The following ST6GALNAC2 variants were observed in gnomAD, a reference collection of about 807,000 sequenced individuals.
The protein encoded by ST6GALNAC2 is alpha-N-acetylgalactosaminide alpha-2,6-sialyltransferase 2.
In ST6GALNAC2, 42 loss-of-function variants were observed where a neutral mutation model predicts 38.7. The ratio of observed to expected loss-of-function variants is 1.09; its 90% CI spans 0.85 to 1.40. The LOEUF (loss-of-function observed/expected upper bound fraction) is 1.40. Among genes scored for constraint, ST6GALNAC2 ranks in the 40% most tolerant of loss-of-function variants. The pLI is 0.00. For missense variants in ST6GALNAC2, 506 were observed against 481.7 expected (o/e 1.05, Z -0.47); for synonymous variants, 233 against 209.0 (o/e 1.11, Z -0.99).
chr17:76,573,464 G>T lies in ST6GALNAC2; in HGVS notation c.362-101C>A. 8.5e-7 allele frequency: 1 copy of T among 1,183,220 alleles called. No individual in the cohort carries two copies. 73.3% of individuals were successfully genotyped at this position (1,183,220 alleles called of 1,614,324 possible). ...TGGTGCCCCATCTCCCCTGAGGCCT[G>T]ACCCTAGCCCCTCCCAAGAAGCACA... On this transcript the variant is annotated intron_variant, in intron 3 of 8. Transcript: ENST00000225276. This position sits in a 1 kb window ranked among gnomAD's most constrained non-coding sequence, Gnocchi z 5.1.
chr17:76,568,604 G>T, intron 7 of ST6GALNAC2, 109 bp downstream of exon 7: 1 of 1,026,544 alleles, frequency 9.7e-7, no homozygotes, highest in Non-Finnish European at 1.5e-6. Flanking sequence ...GTGGAGCTCT[G>T]GTTATCGGTC....
intron 4 of ST6GALNAC2, 47 bp from the exon 5 acceptor site, chr17:76,572,822 TCTG>T (rs1406496135): frequency 6.2e-7 from 1 of 1,610,900 alleles, no homozygotes; most frequent in Non-Finnish European, 8.5e-7. Flanking sequence ...CACCAGGCCG[TCTG>T]TTCTGCTTCC....
chr17:76,578,902 T>A, intron 1 of ST6GALNAC2, 86 bp from the exon 2 acceptor site: 2 of 1,185,844 alleles, frequency 1.7e-6, no homozygotes, highest in Non-Finnish European at 2.4e-6. Context: ...CCCTTAGCTC[T>A]AGGGGCGGAC....
At chr17:76,583,694 G>C (rs2075508065) in intron 1 of ST6GALNAC2, among the ~76,000 whole-genome samples, 1 of 151,804 alleles carries the variant, frequency 6.6e-6, no homozygotes, top group Non-Finnish European at 1.5e-5. Context: ...GGTGTTGGTG[G>C]GGCAGGACGT....
intron 2 of ST6GALNAC2, among the ~76,000 whole-genome samples, chr17:76,575,630 C>T (rs995442936): frequency 2.0e-5 from 3 of 152,178 alleles, no homozygotes; most frequent in Admixed American, 2.0e-4. Flanking sequence ...GATTCAATTT[C>T]TGTGGATCGA....
chr17:76,581,707 A>G (rs2075477788), intron 1 of ST6GALNAC2, among the ~76,000 whole-genome samples: 1 of 152,120 alleles, frequency 6.6e-6, no homozygotes, highest in African/African-American at 2.4e-5. Flanking sequence ...CCTCTCAGGA[A>G]TCCAAGTGCC....
intron 2 of ST6GALNAC2, among the ~76,000 whole-genome samples, chr17:76,577,069 T>C (rs72873907): frequency 0.23 from 13,101 of 56,792 alleles, 637 homozygotes; most frequent in South Asian, 0.33. Context: ...TTTTCTTTTT[T>C]TTTTTTTTTT....
In ST6GALNAC2 at chr17:76,574,416, G is replaced by A. The variant is rs149022507; in HGVS notation, c.310C>T (p.Arg104Cys). The change falls in exon 3 of 9, where the codon CGC becomes TGC. Residue 104 changes from arginine to cysteine, a missense_variant. Arg to Cys is a radical substitution (Grantham distance 180). Coordinates refer to ENST00000225276, the MANE Select transcript of ST6GALNAC2 (RefSeq NM_006456.3). ...TACGGGGCTTTGTGTTGGCTCAGGC[G>A]GTCCCAGAGCGCTGGGGTGAAGAGG... is the stretch of plus-strand genomic sequence containing the variant. ...GDLFTPALWD[R>C]LSQHKAPYGW... The A allele has an allele frequency of 2.0e-4, 322 of 1,613,862 alleles. No homozygotes were observed. The highest frequency in any genetic ancestry group is 2.6e-4 in the Non-Finnish European group (305 of 1,179,946).
chr17:76,572,877 G>A (rs767607445), intron 4 of ST6GALNAC2, 102 bp from the exon 5 acceptor site: 13 of 1,411,494 alleles, frequency 9.2e-6, no homozygotes, highest in Non-Finnish European at 1.2e-5. Flanking sequence ...GCCTCTGTAT[G>A]ACCACTCCTT....
In ST6GALNAC2 at chr17:76,568,769, G is replaced by A; in HGVS notation, c.801C>T (p.Ala267=). 6.2e-7 allele frequency: 1 copy of A among 1,613,562 alleles called. No homozygotes were observed. The highest frequency in any genetic ancestry group is 8.5e-7 in the Non-Finnish European group (1 of 1,179,988). The part of the protein sequence containing the change: ...DRPHAYFGPE[A]SASKFKLLHP... ...GTAGCAGCTTGAATTTACTGGCAGA[G>A]GCTTCTGGTCCAAAATAGGCGTGCG... is the stretch of plus-strand genomic sequence containing the variant. The change falls in exon 7 of 9, where the codon GCC becomes GCT. Residue 267 remains alanine (A), a synonymous_variant. Coordinates refer to ENST00000225276, the MANE Select transcript of ST6GALNAC2 (RefSeq NM_006456.3).
At chr17:76,583,812 C>CTTTT (rs71158029) in intron 1 of ST6GALNAC2, among the ~76,000 whole-genome samples, 1 of 136,146 alleles carries the variant, frequency 7.3e-6, no homozygotes, top group Admixed American at 7.6e-5. Flanking sequence ...TGTGATATTT[C>CTTTT]TTTTTTTTTT....
chr17:76,569,611 G>A (rs1039966097), intron 6 of ST6GALNAC2: 2 of 398,370 alleles, frequency 5.0e-6, no homozygotes. Context: ...GGGAGACTGG[G>A]TAGGGGATGG....
At chr17:76,574,305 C>T in intron 3 of ST6GALNAC2, 60 bp downstream of exon 3, 1 of 1,568,972 alleles carries the variant, frequency 6.4e-7, no homozygotes, top group Non-Finnish European at 8.7e-7. Flanking sequence ...TGGCCTACTT[C>T]AGGGCAAAGA....
At position 76,573,744 on chromosome 17, in the gene ST6GALNAC2, A is replaced by G. The variant is rs2075381245; in HGVS notation, c.362-381T>C. On this transcript the variant is annotated intron_variant, in intron 3 of 8. Coordinates refer to ENST00000225276, the MANE Select transcript of ST6GALNAC2 (RefSeq NM_006456.3). The surrounding 1 kb of genome is among the most constrained non-coding windows in gnomAD (Gnocchi z 5.1). ...GGAGTTCGAGACCAGCCTGGGCAAC[A>G]TGGTGAAACCATGTCTCTATTAAAA... is the stretch of plus-strand genomic sequence containing the variant. Among the ~76,000 whole-genome samples, 1 of 152,168 alleles carries G rather than the reference A, an allele frequency of 6.6e-6. No homozygotes were observed. The highest frequency in any genetic ancestry group is 1.5e-5 in the Non-Finnish European group (1 of 68,022).
chr17:76,569,590 C>T (rs1286406325), intron 6 of ST6GALNAC2: 9 of 392,760 alleles, frequency 2.3e-5, no homozygotes, highest in East Asian at 7.2e-5. Flanking sequence ...GTTGTTGGAA[C>T]GGGACTGGGA....
chr17:76,568,912 G>A (rs1351119044), intron 6 of ST6GALNAC2, 116 bp from the exon 7 acceptor site: 1 of 932,908 alleles, frequency 1.1e-6, no homozygotes, highest in Admixed American at 2.0e-5. Context: ...GTAGGAGCGG[G>A]GCTGGGAGTA....
intron 1 of ST6GALNAC2, among the ~76,000 whole-genome samples, chr17:76,579,594 G>A (rs2075453391): frequency 2.0e-5 from 3 of 152,236 alleles, no homozygotes; most frequent in Admixed American, 2.0e-4. Flanking sequence ...GTTGGAAACT[G>A]AATCCCCAAT....
At chr17:76,579,960 T>A (rs2075457649) in intron 1 of ST6GALNAC2, among the ~76,000 whole-genome samples, 1 of 152,236 alleles carries the variant, frequency 6.6e-6, no homozygotes, top group Non-Finnish European at 1.5e-5. Flanking sequence ...CCTCACTTCC[T>A]GGGTTTGCAA....
intron 8 of ST6GALNAC2, 85 bp from the exon 9 acceptor site, chr17:76,566,356 G>A: frequency 6.9e-7 from 1 of 1,441,222 alleles, no homozygotes; most frequent in South Asian, 1.2e-5. Context: ...AGTTTAGAAA[G>A]GTGTCCGTCT....
Sources: allele counts gnomAD v4.1 joint callset (sites outside exome capture counted in the v4.1 genomes callset), GRCh38; gene constraint gnomAD v4.1.1; non-coding constraint Gnocchi (gnomAD v3.1); transcripts MANE v1.5; gene names NCBI Gene and HGNC (gene_info 2026-07-23, HGNC 2026-07-21).